The following IMMP2L variants were observed in gnomAD, a reference collection of about 807,000 sequenced individuals.
IMMP2L encodes the protein mitochondrial inner membrane protease subunit 2.
A neutral mutation model predicts 19.3 loss-of-function variants in IMMP2L; 18 were observed. The observed-to-expected ratio is 0.93, with a 90% CI of 0.64 to 1.38. IMMP2L has a LOEUF of 1.38. IMMP2L is among the 40% of genes most tolerant of loss of function. The pLI is 0.00. For synonymous variants in IMMP2L, 76 were observed against 73.0 expected, an observed-to-expected ratio of 1.04 and a Z score of -0.21; for missense variants, 233 against 218.2, an observed-to-expected ratio of 1.07 and a Z score of -0.43.
At chr7:110,715,699 G>A (rs1230542470) in intron 5 of IMMP2L, among the ~76,000 whole-genome samples, 3 of 152,104 alleles carry the variant, frequency 2.0e-5, no homozygotes, top group Non-Finnish European at 2.9e-5. Context: ...GAGCATGTTC[G>A]GGGTGTAGAT....
At chr7:111,289,723 G>C (rs1235218931) in intron 3 of IMMP2L, among the ~76,000 whole-genome samples, 3 of 151,940 alleles carry the variant, frequency 2.0e-5, no homozygotes, top group Non-Finnish European at 4.4e-5. Flanking sequence ...TTAAGATGGA[G>C]TCTCACTCTG....
chr7:111,405,740 G>T (rs1374790426), intron 3 of IMMP2L, among the ~76,000 whole-genome samples: 1 of 152,084 alleles, frequency 6.6e-6, no homozygotes, highest in Non-Finnish European at 1.5e-5. Context: ...CCTAGGAGGG[G>T]TATAGGACTT....
intron 3 of IMMP2L, among the ~76,000 whole-genome samples, chr7:111,434,606 C>T (rs1314844622): frequency 6.6e-6 from 1 of 151,472 alleles, no homozygotes; most frequent in African/African-American, 2.4e-5. Flanking sequence ...AGTGCAGTGG[C>T]GCAATCTTGG....
chr7:111,230,881 G>A (rs535171885), intron 3 of IMMP2L, among the ~76,000 whole-genome samples: 11 of 152,082 alleles, frequency 7.2e-5, no homozygotes, highest in African/African-American at 2.2e-4. Context: ...TACTGAGGAA[G>A]GTGGATGATG....
chr7:110,876,613 G>T (rs1345459400), intron 5 of IMMP2L, among the ~76,000 whole-genome samples: 1 of 152,090 alleles, frequency 6.6e-6, no homozygotes, highest in African/African-American at 2.4e-5. Flanking sequence ...CGAGGGAGCA[G>T]AATCTAACAG....
chr7:111,289,536 T>C (rs1013120249), intron 3 of IMMP2L, among the ~76,000 whole-genome samples: 2 of 152,278 alleles, frequency 1.3e-5, no homozygotes, highest in African/African-American at 2.4e-5. Flanking sequence ...GAACTGAACC[T>C]GGACCTGAAA....
intron 5 of IMMP2L, among the ~76,000 whole-genome samples, chr7:110,693,743 T>G (rs945178818): frequency 1.3e-5 from 2 of 152,102 alleles, no homozygotes; most frequent in Non-Finnish European, 2.9e-5. Flanking sequence ...ACCAAACCAG[T>G]GTCATGAGTT....
Position 111,354,903 on chromosome 7 carries a change from G to A in IMMP2L, c.239+132335C>T, listed in dbSNP as rs961564410. Among the ~76,000 whole-genome samples, 21 of 151,796 alleles carry A rather than the reference G, an allele frequency of 1.4e-4. 2 individuals are homozygous for A. Among genetic ancestry groups the A allele is most frequent in the African/African-American group, 4.6e-4 (19 of 41,476 alleles). ...AAAAATGAAGATACGCCATTCATTC[G>A]ACAAAAAGTTAAATCCCTACCCTAT... On this transcript the variant is annotated intron_variant, in intron 3 of 5. Coordinates refer to ENST00000405709, the MANE Select transcript of IMMP2L (RefSeq NM_032549.4).
At chr7:111,037,818 G>T (rs1791495095) in intron 3 of IMMP2L, among the ~76,000 whole-genome samples, 1 of 152,090 alleles carries the variant, frequency 6.6e-6, no homozygotes, top group African/African-American at 2.4e-5. Context: ...ATAATGAAAA[G>T]GGAGAAACTA....
intron 3 of IMMP2L, among the ~76,000 whole-genome samples, chr7:111,441,621 T>C (rs1046790328): frequency 3.3e-5 from 5 of 151,124 alleles, no homozygotes; most frequent in African/African-American, 1.2e-4. Context: ...TTGTGAAAAT[T>C]ACCAATGTAA....
chr7:111,446,577 C>A (rs1838457763), intron 3 of IMMP2L, among the ~76,000 whole-genome samples: 1 of 151,584 alleles, frequency 6.6e-6, no homozygotes, highest in African/African-American at 2.4e-5. Flanking sequence ...CATCAAAGAC[C>A]AAAAGTAGAT....
chr7:111,275,160 A>G (rs982849290), intron 3 of IMMP2L, among the ~76,000 whole-genome samples: 3 of 152,282 alleles, frequency 2.0e-5, no homozygotes, highest in East Asian at 1.9e-4. Flanking sequence ...GGATCTGCTC[A>G]CAGAGACAAG....
intron 3 of IMMP2L, among the ~76,000 whole-genome samples, chr7:111,384,185 GAAGGAGA>G (rs889447930): frequency 4.0e-5 from 6 of 150,990 alleles, no homozygotes; most frequent in East Asian, 1.9e-4. Flanking sequence ...AGGAGAAGGA[GAAGGAGA>G]AAGGAGAAAG....
intron 5 of IMMP2L, among the ~76,000 whole-genome samples, chr7:110,828,233 C>T (rs1012896501): frequency 6.6e-6 from 1 of 152,034 alleles, no homozygotes; most frequent in Non-Finnish European, 1.5e-5. Context: ...ATGCTGTGTT[C>T]CAAAAAAAAC....
intron 3 of IMMP2L, among the ~76,000 whole-genome samples, chr7:111,288,802 G>C (rs1004733316): frequency 1.3e-5 from 2 of 152,040 alleles, no homozygotes; most frequent in Non-Finnish European, 2.9e-5. Context: ...AAATAGGAAC[G>C]CTTTTACACT....
intron 3 of IMMP2L, among the ~76,000 whole-genome samples, chr7:111,461,202 C>T (rs1235085034): frequency 6.6e-6 from 1 of 151,948 alleles, no homozygotes; most frequent in East Asian, 1.9e-4. Flanking sequence ...TCCTAAAATA[C>T]GTTCCTCACA....
At chr7:111,255,123 C>A (rs1420202111) in intron 3 of IMMP2L, among the ~76,000 whole-genome samples, 1 of 151,958 alleles carries the variant, frequency 6.6e-6, no homozygotes, top group South Asian at 2.1e-4. Flanking sequence ...ATTTTAACAA[C>A]CCCCACCGAT....
chr7:110,938,595 C>T (rs987720612), intron 4 of IMMP2L, among the ~76,000 whole-genome samples: 3 of 152,032 alleles, frequency 2.0e-5, no homozygotes, highest in African/African-American at 4.8e-5. Flanking sequence ...TAAGCACTGA[C>T]GGAGTTTCTG....
At chr7:111,130,559 G>A (rs1038876301) in intron 3 of IMMP2L, among the ~76,000 whole-genome samples, 2 of 152,038 alleles carry the variant, frequency 1.3e-5, no homozygotes, top group African/African-American at 4.8e-5. Flanking sequence ...CCTTAGTAAT[G>A]TTTACCAGAC....
Sources: gnomAD v4.1 joint callset for allele counts (sites outside exome capture counted in the v4.1 genomes callset) on GRCh38, gnomAD v4.1.1 for gene constraint, MANE v1.5 for transcripts, NCBI Gene and HGNC (gene_info 2026-07-23, HGNC 2026-07-21) for gene names.